Variants in PRKCB observed in about 807,000 individuals in gnomAD.
PRKCB encodes the protein protein kinase C beta.
PRKCB carries 13 observed loss-of-function variants against 81.5 expected under a neutral mutation model. That is an observed-to-expected ratio of 0.16 (90% CI 0.10 to 0.25). The LOEUF (loss-of-function observed/expected upper bound fraction) is 0.25. Ranked by LOEUF, PRKCB falls within the 10% of genes least tolerant of loss-of-function variation. The pLI is 1.00. For missense variants in PRKCB, 509 were observed against 875.7 expected, an observed-to-expected ratio of 0.58 and a Z score of 5.29; for synonymous variants, 335 against 321.4, an observed-to-expected ratio of 1.04 and a Z score of -0.45.
intron 5 of PRKCB, among the ~76,000 whole-genome samples, chr16:24,056,647 G>A (rs13331803): frequency 0.016 from 2,395 of 152,182 alleles, 65 homozygotes; most frequent in African/African-American, 0.053. Flanking sequence ...ATGTTCACTA[G>A]AGATCTGGTT....
intron 3 of PRKCB, among the ~76,000 whole-genome samples, chr16:24,030,716 CAAAAAA>C (rs59739745): frequency 1.5e-5 from 2 of 131,388 alleles, no homozygotes; most frequent in East Asian, 4.4e-4. Flanking sequence ...CCCCTCTCTA[CAAAAAA>C]AAAAAAAAAA....
At chr16:23,913,820 C>T (rs577014810) in intron 2 of PRKCB, among the ~76,000 whole-genome samples, 36 of 152,234 alleles carry the variant, frequency 2.4e-4, no homozygotes, top group Non-Finnish European at 3.8e-4. Flanking sequence ...GCTGTATGCT[C>T]CACGAAAGGA....
intron 3 of PRKCB, among the ~76,000 whole-genome samples, chr16:24,011,747 A>G (rs889593153): frequency 6.6e-6 from 1 of 152,142 alleles, no homozygotes; most frequent in Non-Finnish European, 1.5e-5. Context: ...AGCCTCCCAA[A>G]GTGCTGGGAT....
chr16:23,942,604 G>A (rs1045810103), intron 2 of PRKCB, among the ~76,000 whole-genome samples: 6 of 152,160 alleles, frequency 3.9e-5, no homozygotes, highest in African/African-American at 1.4e-4. Context: ...ACTTCTTTGA[G>A]CCTTTGTTGC....
At chr16:23,856,089 C>T (rs1269439428) in intron 2 of PRKCB, among the ~76,000 whole-genome samples, 1 of 152,200 alleles carries the variant, frequency 6.6e-6, no homozygotes, top group Non-Finnish European at 1.5e-5. Context: ...GATTCATAGA[C>T]TGTACTTGCT....
intron 2 of PRKCB, among the ~76,000 whole-genome samples, chr16:23,966,082 T>C (rs961951164): frequency 2.0e-5 from 3 of 152,236 alleles, no homozygotes; most frequent in African/African-American, 7.2e-5. Flanking sequence ...AAAACTCTGC[T>C]CTTGAAGCAC....
At chr16:24,132,528 G>A (rs1174306757) in intron 9 of PRKCB, among the ~76,000 whole-genome samples, 2 of 152,182 alleles carry the variant, frequency 1.3e-5, no homozygotes, top group Non-Finnish European at 2.9e-5. Flanking sequence ...TGGTAGTGAT[G>A]GTGACGACGA....
chr16:23,869,386 A>G (rs901551549), intron 2 of PRKCB: 1 of 253,120 alleles, frequency 4.0e-6, no homozygotes, highest in African/African-American at 2.3e-5. Context: ...GTAAGTCACT[A>G]GAATTTTGGG....
intron 3 of PRKCB, among the ~76,000 whole-genome samples, chr16:24,021,810 G>A (rs1376653976): frequency 6.6e-6 from 1 of 152,158 alleles, no homozygotes; most frequent in Non-Finnish European, 1.5e-5. Context: ...CCATCACTGG[G>A]CTGTCAGGAG....
chr16:24,103,940 G>A (rs1596548905), intron 7 of PRKCB, among the ~76,000 whole-genome samples: 1 of 152,274 alleles, frequency 6.6e-6, no homozygotes, highest in East Asian at 1.9e-4. Flanking sequence ...TGAATAGCTG[G>A]GATTACAGGC....
intron 2 of PRKCB, among the ~76,000 whole-genome samples, chr16:23,986,408 A>G (rs1488176533): frequency 1.3e-5 from 2 of 151,862 alleles, no homozygotes; most frequent in African/African-American, 2.4e-5. Context: ...ATGCACCACC[A>G]TGTCTGGCTA....
At chr16:23,947,930 A>C (rs1964226110) in intron 2 of PRKCB, among the ~76,000 whole-genome samples, 1 of 149,352 alleles carries the variant, frequency 6.7e-6, no homozygotes, top group Admixed American at 6.7e-5. Flanking sequence ...GCCACCTCAT[A>C]AACCCATGTC....
rs371746108 is a variant in PRKCB, at chr16:24,031,496, G to A, written c.289-640G>A. Among the ~76,000 whole-genome samples the A allele has an allele frequency of 2.6e-5, 4 of 152,158 alleles. No individual in the cohort carries two copies. In the South Asian group the frequency reaches 6.2e-4, roughly 24 times the overall value. ...ATTGGCCAGAACTCAGCACCATGGC[G>A]GCACCTGCAAGAGGTGCTGGGAAAT... On this transcript the variant is annotated intron_variant, in intron 3 of 16. Transcript: ENST00000643927.
At chr16:23,887,446 A>ATTTGGTTT (rs1034104039) in intron 2 of PRKCB, among the ~76,000 whole-genome samples, 2 of 152,042 alleles carry the variant, frequency 1.3e-5, no homozygotes, top group Non-Finnish European at 2.9e-5. Flanking sequence ...AACATGTGGT[A>ATTTGGTTT]TTTGGTTTTC....
At position 24,191,138 on chromosome 16, in the gene PRKCB, G is replaced by C; in HGVS notation, c.1771G>C (p.Glu591Gln). The C allele has an allele frequency of 6.2e-7, 1 of 1,614,092 alleles. No individual in the cohort carries two copies. The highest frequency in any genetic ancestry group is 1.3e-5 in the African/African-American group (1 of 75,016). The change falls in exon 16 of 17, where the codon GAA (glutamate) becomes CAA (glutamine). Residue 591 changes from glutamate to glutamine, a missense_variant. Transcript: ENST00000643927. ...ACGTCTGGGTTGTGGACCTGAAGGC[G>C]AACGTGATATCAAAGAGCATGCATT... The part of the protein sequence containing the change: ...GKRLGCGPEG[E>Q]RDIKEHAFFR...
intron 9 of PRKCB, among the ~76,000 whole-genome samples, chr16:24,141,524 C>T (rs1206373711): frequency 6.6e-6 from 1 of 152,168 alleles, no homozygotes; most frequent in Non-Finnish European, 1.5e-5. Context: ...TGGCTTTCCC[C>T]TCCATTCCAG....
chr16:23,882,004 T>TTCTTTC (rs1555481654), intron 2 of PRKCB, among the ~76,000 whole-genome samples: 23 of 72,028 alleles, frequency 3.2e-4, no homozygotes, highest in African/African-American at 7.4e-4. Flanking sequence ...CTTTCTTTCT[T>TTCTTTC]TCTTTCTTTC....
At chr16:23,996,512 G>T (rs1014845209) in intron 3 of PRKCB, among the ~76,000 whole-genome samples, 1 of 152,338 alleles carries the variant, frequency 6.6e-6, no homozygotes, top group Non-Finnish European at 1.5e-5. Context: ...CTGGCGGCAG[G>T]TTGATTACAT....
In PRKCB at chr16:23,962,259, C is replaced by T. The variant is rs564041715; in HGVS notation, c.206-26249C>T. 5.9e-5 allele frequency among the ~76,000 whole-genome samples: 9 copies of T among 152,260 alleles called. No individual in the cohort carries two copies. In the South Asian group the frequency reaches 1.2e-3, roughly 21 times the overall value. On this transcript the variant is annotated intron_variant, in intron 2 of 16. Coordinates refer to ENST00000643927, the MANE Select transcript of PRKCB (RefSeq NM_002738.7). Reference sequence around the variant, plus strand: ...CTGAAACTCAGTGTGCCACAACCCTCGCCACCTCCCACCTGGTTTCGCTCC... The same window carrying T: ...CTGAAACTCAGTGTGCCACAACCCTTGCCACCTCCCACCTGGTTTCGCTCC...
Sources: gnomAD v4.1 joint callset for allele counts (sites outside exome capture counted in the v4.1 genomes callset) on GRCh38, gnomAD v4.1.1 for gene constraint, MANE v1.5 for transcripts, NCBI Gene and HGNC (gene_info 2026-07-23, HGNC 2026-07-21) for gene names.